Variants in MSL1 observed in about 807,000 individuals in gnomAD.
The protein encoded by MSL1 is male-specific lethal 1 homolog.
A neutral mutation model predicts 64.6 loss-of-function variants in MSL1; 21 were observed. The observed-to-expected ratio is 0.33, with a 90% CI of 0.23 to 0.47. The LOEUF is 0.47. Among genes scored for constraint, MSL1 ranks in the 20% least tolerant of loss-of-function variants. The pLI, the probability that MSL1 is intolerant of heterozygous loss-of-function variation, is 1.00. For synonymous variants in MSL1, 339 were observed against 329.6 expected, an observed-to-expected ratio of 1.03 and a Z score of -0.31; for missense variants, 664 against 793.2, an observed-to-expected ratio of 0.84 and a Z score of 1.96.
At position 40,123,276 on chromosome 17, in the gene MSL1, C is replaced by T; in HGVS notation, c.664C>T (p.Leu222Phe). The change falls in exon 1 of 9, where the codon CTC becomes TTC. Residue 222 changes from leucine (L) to phenylalanine (F), a missense_variant. Coordinates refer to ENST00000398532, the MANE Select transcript of MSL1 (RefSeq NM_001365919.1). ...GSGASSQAAC[L>F]KQILLLQLDL... ...GGGAGCCTCCAGTCAGGCCGCCTGCCTCAAACAGATCCTTCTGCTGCAATT... is the reference window on the plus strand; with the variant it reads ...GGGAGCCTCCAGTCAGGCCGCCTGCTTCAAACAGATCCTTCTGCTGCAATT... The T allele has an allele frequency of 1.3e-6, 2 of 1,535,942 alleles. No homozygotes were observed. Among genetic ancestry groups the T allele is most frequent in the Non-Finnish European group, 1.7e-6 (2 of 1,146,896 alleles).
At chr17:40,124,425 T>C (rs1406336127) in intron 1 of MSL1, among the ~76,000 whole-genome samples, 1 of 151,930 alleles carries the variant, frequency 6.6e-6, no homozygotes, top group Admixed American at 6.6e-5. Context: ...TCTCTCCTCT[T>C]TCTCTCTGGC....
At chr17:40,128,314 G>A (rs983749474) in intron 2 of MSL1, among the ~76,000 whole-genome samples, 4 of 151,550 alleles carry the variant, frequency 2.6e-5, no homozygotes, top group African/African-American at 9.7e-5. Flanking sequence ...AGAAGTAGGT[G>A]CACCTAATGT....
intron 1 of MSL1, chr17:40,124,460 A>G (rs1380705414): frequency 4.6e-5 from 7 of 151,606 alleles, no homozygotes; most frequent in Non-Finnish European, 2.9e-5. Flanking sequence ...GAGCTGAGCA[A>G]GGGAGCAAGC....
At position 40,123,078 on chromosome 17, in the gene MSL1, A is replaced by G. The variant is rs1332318461; in HGVS notation, c.466A>G (p.Lys156Glu). Residue 156 changes from lysine (K) to glutamate (E), a missense_variant, in exon 1 of 9, where the codon AAG (lysine) becomes GAG (glutamate). By Grantham distance (56) the Lys-to-Glu change is moderately conservative. Transcript: ENST00000398532. ...AKEPTPWAGD[K>E]GGAASPAATA... ...AGAGCCTACGCCCTGGGCTGGGGAC[A>G]AGGGTGGGGCGGCCTCCCCCGCTGC... The G allele has an allele frequency of 8.5e-6, 13 of 1,530,572 alleles. No homozygotes were observed. Among genetic ancestry groups the G allele is most frequent in the South Asian group, 6.0e-5 (5 of 83,818 alleles). 94.8% of individuals were successfully genotyped at this position (1,530,572 alleles called of 1,614,324 possible).
chr17:40,129,659 C>A (rs1205482465), intron 3 of MSL1, 32 bp downstream of exon 3: 4 of 1,511,270 alleles, frequency 2.6e-6, no homozygotes, highest in Non-Finnish European at 3.5e-6. Flanking sequence ...CTCTTATACC[C>A]TAGTGGTGGC....
intron 8 of MSL1, 115 bp downstream of exon 8, chr17:40,134,014 G>A: frequency 1.1e-6 from 1 of 938,348 alleles, no homozygotes; most frequent in South Asian, 1.4e-5. Flanking sequence ...ATGGGTCTTT[G>A]ACAGAAATGA....
At chr17:40,132,304 G>A (rs1242029799) in intron 5 of MSL1, among the ~76,000 whole-genome samples, 2 of 152,168 alleles carry the variant, frequency 1.3e-5, no homozygotes, top group Non-Finnish European at 2.9e-5. Context: ...AAAATAAATA[G>A]CTAGGTAATG....
intron 1 of MSL1, among the ~76,000 whole-genome samples, chr17:40,125,124 A>T (rs2145127738): frequency 6.6e-6 from 1 of 152,322 alleles, no homozygotes; most frequent in South Asian, 2.1e-4. Context: ...CTTTTCTCAA[A>T]ACTAAACTAA....
chr17:40,126,447 G>T (rs541821827), intron 2 of MSL1, 41 bp downstream of exon 2: 2 of 1,529,418 alleles, frequency 1.3e-6, no homozygotes, highest in Non-Finnish European at 1.8e-6. Context: ...CTTGTTACCA[G>T]TGATTGAGAG....
At chr17:40,130,926 G>C (rs1414395567) in intron 3 of MSL1, 2 of 152,468 alleles carry the variant, frequency 1.3e-5, no homozygotes, top group African/African-American at 4.8e-5. Context: ...TTCTTCCCTA[G>C]TACAGACAAT....
rs1400508321 is a variant in MSL1, at chr17:40,123,008, G to A, written c.396G>A (p.Gln132=). Residue 132 remains glutamine (Q), a synonymous_variant, in exon 1 of 9, where the codon CAG becomes CAA. Coordinates refer to ENST00000398532, the MANE Select transcript of MSL1 (RefSeq NM_001365919.1). ...GAGCSPRPKY[Q]AVLPIQTGSL... ...GCTGCAGCCCCCGGCCCAAGTATCA[G>A]GCGGTGCTGCCCATTCAGACGGGCT... 6.5e-7 allele frequency: 1 copy of A among 1,531,054 alleles called. No homozygotes were observed. Among genetic ancestry groups the A allele is most frequent in the Admixed American group, 2.0e-5 (1 of 50,778 alleles). 94.8% of individuals were successfully genotyped at this position (1,531,054 alleles called of 1,614,324 possible). A position where few individuals can be genotyped will look rare whatever the true frequency, so the allele number is the denominator to read the frequency against.
Position 40,134,601 on chromosome 17 carries a change from G to A in MSL1, c.*232G>A. 1 of 516,790 alleles carries A rather than the reference G, an allele frequency of 1.9e-6. No individual in the cohort carries two copies. Among genetic ancestry groups the A allele is most frequent in the Non-Finnish European group, 3.5e-6 (1 of 286,464 alleles). 32.0% of individuals were successfully genotyped at this position (516,790 alleles called of 1,614,324 possible). ...TTTCTTTTCCCTTTTTTGGGAAATG[G>A]GCTCTCAAGCTAAAGCTATAGGATG... is the stretch of plus-strand genomic sequence containing the variant. On this transcript the variant is annotated 3_prime_UTR_variant, in exon 9 of 9. Transcript: ENST00000398532.
At chr17:40,128,369 CTTTTTTTTTTT>C (rs145183199) in intron 2 of MSL1, among the ~76,000 whole-genome samples, 4 of 112,690 alleles carry the variant, frequency 3.5e-5, no homozygotes, top group South Asian at 2.7e-4. Context: ...CTTGAATATT[CTTTTTTTTTTT>C]TTTTTTTTTT....
rs1988508712 is a variant in MSL1, at chr17:40,134,756, C to A, written c.*387C>A. 1.1e-5 allele frequency: 2 copies of A among 187,534 alleles called. No individual in the cohort carries two copies. Among genetic ancestry groups the A allele is most frequent in the Non-Finnish European group, 1.1e-5 (1 of 89,692 alleles). The allele number at this position is 187,534 out of a possible 1,614,324, so 11.6% of individuals were successfully genotyped here. A position where few individuals can be genotyped will look rare whatever the true frequency, so the allele number is the denominator to read the frequency against. On this transcript the variant is annotated 3_prime_UTR_variant, in exon 9 of 9. Transcript: ENST00000398532. ...TTTAGAGCTGTGCCTGCATGGCACT[C>A]TTCTCACCCTGGTACACCCTCCTTA...
rs201242174 is a variant in MSL1 at position 40,133,848 on chromosome 17, C to G, written c.1703C>G (p.Pro568Arg). ...ATAGTTGAAAGTTTGATGATTACCCCCTTCTTGCCTGTTGTAGCATTTGGA... is the reference window on the plus strand; with the variant it reads ...ATAGTTGAAAGTTTGATGATTACCCGCTTCTTGCCTGTTGTAGCATTTGGA... ...PDDVESLMITPFLPVVAFGRP... is the reference protein window; with the variant it reads ...PDDVESLMITRFLPVVAFGRP... Residue 568 changes from proline to arginine, a missense_variant, in exon 8 of 9, where the codon CCC (proline) becomes CGC (arginine). By Grantham distance (103) the Pro-to-Arg change is moderately radical (BLOSUM62 -2). This residue lies in a region of MSL1 where 76 missense variants were observed against 98.5 expected (regional missense o/e 0.77). Coordinates refer to ENST00000398532, the MANE Select transcript of MSL1 (RefSeq NM_001365919.1). 1.7e-5 allele frequency: 28 copies of G among 1,614,016 alleles called. No individual in the cohort carries two copies. The Middle Eastern group carries it at 8.2e-4, about 48-fold the overall frequency.
chr17:40,123,197 C>G lies in MSL1; in HGVS notation c.585C>G (p.Ser195Arg). 1 of 1,535,510 alleles carries G rather than the reference C, an allele frequency of 6.5e-7. No individual in the cohort carries two copies. The highest frequency in any genetic ancestry group is 2.4e-5 in the East Asian group (1 of 40,892). The change falls in exon 1 of 9, where the codon AGC becomes AGG. Residue 195 changes from serine (S) to arginine (R), a missense_variant. By Grantham distance (110) the Ser-to-Arg change is moderately radical. Coordinates refer to ENST00000398532, the MANE Select transcript of MSL1 (RefSeq NM_001365919.1). ...CCACCGCCGGGACCCTGGCGGCCAG[C>G]GAGGGCAGATGGAAGAGTATGAGGA... Reference protein sequence around the residue: ...PTATAGTLAASEGRWKSMRKS... With the variant: ...PTATAGTLAAREGRWKSMRKS...
Position 40,122,708 on chromosome 17 carries a change from C to A in MSL1, c.96C>A (p.Gly32=). The A allele has an allele frequency of 6.7e-7, 1 of 1,481,802 alleles. No homozygotes were observed. The highest frequency in any genetic ancestry group is 1.9e-4 in the Middle Eastern group (1 of 5,198). The allele number at this position is 1,481,802 out of a possible 1,614,324, so 91.8% of individuals were successfully genotyped here. The stretch of plus-strand genomic sequence containing the variant: ...ACTACGAGCGGGCTGCGGCGCTGGG[C>A]GGGCCCGAGGACGAGCCTGGGGCGG... ...RLDYERAAAL[G]GPEDEPGAAE... Residue 32 remains glycine (G), a synonymous_variant, in exon 1 of 9, where the codon GGC becomes GGA. Coordinates refer to ENST00000398532, the MANE Select transcript of MSL1 (RefSeq NM_001365919.1). This position sits in a 1 kb window ranked among gnomAD's most constrained non-coding sequence, Gnocchi z 4.2.
At position 40,122,240 on chromosome 17, in the gene MSL1, G is replaced by GC. The variant is rs1342333047; in HGVS notation, c.-373_-372insC. 1 of 147,498 alleles carries GC rather than the reference G, an allele frequency of 6.8e-6. No homozygotes were observed. Among genetic ancestry groups the GC allele is most frequent in the African/African-American group, 2.5e-5 (1 of 40,222 alleles). The allele number at this position is 147,498 out of a possible 1,614,324, so 9.1% of individuals were successfully genotyped here. On this transcript the variant is annotated 5_prime_UTR_variant, in exon 1 of 9. Coordinates refer to ENST00000398532, the MANE Select transcript of MSL1 (RefSeq NM_001365919.1). This position sits in a 1 kb window ranked among gnomAD's most constrained non-coding sequence, Gnocchi z 4.2. ...CGGGGCGGGGGGCCGGGGCGGGGAA[G>GC]GGGGGGTGCGGGGTGGGGAGACGAG...
chr17:40,129,702 C>T, intron 3 of MSL1, 75 bp downstream of exon 3: 2 of 1,434,148 alleles, frequency 1.4e-6, no homozygotes, highest in South Asian at 3.0e-5. Flanking sequence ...ATGCCTTTGG[C>T]ATTTTTAAAA....
Sources: allele counts gnomAD v4.1 joint callset (sites outside exome capture counted in the v4.1 genomes callset), GRCh38; gene constraint gnomAD v4.1.1; regional missense constraint gnomAD v4.1.1; non-coding constraint Gnocchi (gnomAD v3.1); transcripts MANE v1.5; gene names NCBI Gene and HGNC (gene_info 2026-07-23, HGNC 2026-07-21).